The following MAGI2 variants were observed in gnomAD, a reference collection of about 807,000 sequenced individuals.
The protein encoded by MAGI2 is membrane associated guanylate kinase, WW and PDZ domain containing 2, also known as membrane-associated guanylate kinase, WW and PDZ domain-containing protein 2.
Under a neutral mutation model 133.3 loss-of-function variants are expected in MAGI2, and 35 were observed. That is an observed-to-expected ratio of 0.26 (90% CI 0.20 to 0.35). The LOEUF (loss-of-function observed/expected upper bound fraction) is 0.35. Ranked by LOEUF, MAGI2 falls within the 10% of genes least tolerant of loss-of-function variation. The pLI is 1.00. For synonymous variants in MAGI2, 729 were observed against 710.6 expected, an observed-to-expected ratio of 1.03 and a Z score of -0.41; for missense variants, 1,636 against 1,863.4, an observed-to-expected ratio of 0.88 and a Z score of 2.25.
intron 16 of MAGI2, among the ~76,000 whole-genome samples, chr7:78,145,995 G>A (rs1043309358): frequency 6.6e-6 from 1 of 152,142 alleles, no homozygotes; most frequent in Non-Finnish European, 1.5e-5. Flanking sequence ...CAGTCAGTTT[G>A]TAGTAAATAT....
intron 1 of MAGI2, among the ~76,000 whole-genome samples, chr7:79,301,995 G>T (rs934504805): frequency 2.6e-5 from 4 of 152,112 alleles, no homozygotes; most frequent in Non-Finnish European, 5.9e-5. Flanking sequence ...GCAATGATTG[G>T]CAACTTCCTG....
intron 1 of MAGI2, among the ~76,000 whole-genome samples, chr7:79,170,652 A>T (rs1825443978): frequency 6.6e-6 from 1 of 152,130 alleles, no homozygotes; most frequent in Non-Finnish European, 1.5e-5. Flanking sequence ...AGTTATAGCT[A>T]TTTCATAGCT....
At chr7:78,712,156 A>T (rs1203825415) in intron 2 of MAGI2, among the ~76,000 whole-genome samples, 1 of 152,196 alleles carries the variant, frequency 6.6e-6, no homozygotes, top group Non-Finnish European at 1.5e-5. Flanking sequence ...GTTTGGCTAC[A>T]TATTGCTTGA....
chr7:79,105,771 T>C (rs1018941524), intron 1 of MAGI2, among the ~76,000 whole-genome samples: 1 of 152,194 alleles, frequency 6.6e-6, no homozygotes, highest in Non-Finnish European at 1.5e-5. Context: ...TAGTTGACTA[T>C]TGAGATTTAA....
At chr7:78,556,346 C>T (rs887328250) in intron 3 of MAGI2, among the ~76,000 whole-genome samples, 1 of 152,130 alleles carries the variant, frequency 6.6e-6, no homozygotes, top group African/African-American at 2.4e-5. Context: ...CCAATAGTCA[C>T]CAAACATACT....
intron 2 of MAGI2, among the ~76,000 whole-genome samples, chr7:78,888,520 C>T (rs1268771323): frequency 6.6e-6 from 1 of 152,158 alleles, no homozygotes; most frequent in Non-Finnish European, 1.5e-5. Context: ...GGGTACTCCT[C>T]TGAGACAAAA....
chr7:78,938,460 T>A (rs768850222), intron 2 of MAGI2, among the ~76,000 whole-genome samples: 7 of 152,144 alleles, frequency 4.6e-5, no homozygotes, highest in South Asian at 4.1e-4. Context: ...ATATATATAT[T>A]TTTGTTTATA....
intron 1 of MAGI2, among the ~76,000 whole-genome samples, chr7:79,409,242 ATGTC>A (rs77752308): frequency 0.15 from 23,442 of 151,880 alleles, 2,075 homozygotes; most frequent in African/African-American, 0.24. Flanking sequence ...TTTTCAGAGA[ATGTC>A]AGTAATCAAA....
chr7:78,287,948 T>C (rs1408067775), intron 9 of MAGI2, among the ~76,000 whole-genome samples: 1 of 152,212 alleles, frequency 6.6e-6, no homozygotes. Flanking sequence ...AACATCTTTC[T>C]ATCAGGATAT....
chr7:78,320,381 C>T (rs898205013), intron 9 of MAGI2, among the ~76,000 whole-genome samples: 2 of 152,124 alleles, frequency 1.3e-5, no homozygotes, highest in African/African-American at 4.8e-5. Context: ...CAATAAAATA[C>T]CGGCAAACCA....
At chr7:78,025,058 G>C (rs886892574) in intron 21 of MAGI2, among the ~76,000 whole-genome samples, 2 of 152,132 alleles carry the variant, frequency 1.3e-5, no homozygotes, top group Non-Finnish European at 2.9e-5. Context: ...ATTTAACATA[G>C]CCTAAAAAAG....
Position 78,273,254 on chromosome 7 carries a change from A to C in MAGI2, c.1409-16673T>G, listed in dbSNP as rs951305113. On this transcript the variant is annotated intron_variant, in intron 9 of 21. Coordinates refer to ENST00000354212, the MANE Select transcript of MAGI2 (RefSeq NM_012301.4). The stretch of plus-strand genomic sequence containing the variant: ...GGTTGAAAATTCTTTAAGAATGTTG[A>C]ATATTGGCCCCTACTCTCTTCTGGC... 5.4e-4 allele frequency among the ~76,000 whole-genome samples: 82 copies of C among 152,126 alleles called. 1 individual carries two copies. Among genetic ancestry groups the C allele is most frequent in the Non-Finnish European group, 1.0e-4 (7 of 68,016 alleles).
chr7:78,689,682 C>CTTTTTTTTTTTTTTTTTTTT (rs200333526), intron 2 of MAGI2, among the ~76,000 whole-genome samples: 24 of 92,014 alleles, frequency 2.6e-4, no homozygotes, highest in Admixed American at 5.6e-4. Context: ...TTGGATCTGG[C>CTTTTTTTTTTTTTTTTTTTT]TTTTTTTTTT....
At chr7:79,306,638 G>C (rs1187421329) in intron 1 of MAGI2, among the ~76,000 whole-genome samples, 1 of 152,044 alleles carries the variant, frequency 6.6e-6, no homozygotes, top group African/African-American at 2.4e-5. Context: ...ATCTTATGAA[G>C]TGGTCTGGAT....
intron 1 of MAGI2, among the ~76,000 whole-genome samples, chr7:79,059,105 C>T (rs61061046): frequency 0.087 from 13,193 of 151,994 alleles, 558 homozygotes; most frequent in Admixed American, 0.11. Flanking sequence ...ACTGCAATTA[C>T]TTTTGCACCA....
intron 2 of MAGI2, among the ~76,000 whole-genome samples, chr7:78,705,108 T>A (rs927993546): frequency 2.0e-5 from 3 of 152,062 alleles, no homozygotes; most frequent in African/African-American, 7.2e-5. Context: ...TACCAGTTAA[T>A]ATAGTTTGGC....
chr7:79,374,434 C>T (rs2129136867), intron 1 of MAGI2, among the ~76,000 whole-genome samples: 1 of 151,880 alleles, frequency 6.6e-6, no homozygotes, highest in Non-Finnish European at 1.5e-5. Context: ...ATATAGAGGC[C>T]TGGAAAAGAG....
At chr7:78,113,768 C>T (rs555834437) in intron 20 of MAGI2, among the ~76,000 whole-genome samples, 1 of 152,062 alleles carries the variant, frequency 6.6e-6, no homozygotes, top group Non-Finnish European at 1.5e-5. Context: ...GAGATGCATG[C>T]CTGTATTTTA....
chr7:78,329,860 C>T (rs1440576681), intron 9 of MAGI2, among the ~76,000 whole-genome samples: 1 of 152,086 alleles, frequency 6.6e-6, no homozygotes, highest in African/African-American at 2.4e-5. Context: ...GTGAAATGTC[C>T]CTATTTCAGC....
Sources: gnomAD v4.1 joint callset for allele counts (sites outside exome capture counted in the v4.1 genomes callset) on GRCh38, gnomAD v4.1.1 for gene constraint, MANE v1.5 for transcripts, NCBI Gene and HGNC (gene_info 2026-07-23, HGNC 2026-07-21) for gene names.